ANTXRL: variants seen among roughly 807,000 people sequenced by gnomAD.
ANTXRL encodes anthrax toxin receptor-like.
In ANTXRL, 63 loss-of-function variants were observed where a neutral mutation model predicts 75.4. The ratio of observed to expected loss-of-function variants is 0.84; its 90% CI spans 0.68 to 1.03. ANTXRL has a LOEUF of 1.03. Among genes scored for constraint, ANTXRL ranks in the 50% least tolerant of loss-of-function variants. The pLI, the probability that ANTXRL is intolerant of heterozygous loss-of-function variation, is 0.00. For missense variants in ANTXRL, 797 were observed against 789.4 expected, an observed-to-expected ratio of 1.01 and a Z score of -0.12; for synonymous variants, 335 against 291.3, an observed-to-expected ratio of 1.15 and a Z score of -1.53.
At chr10:46,317,440 A>G (rs891866642) in intron 16 of ANTXRL, among the ~76,000 whole-genome samples, 10 of 152,290 alleles carry the variant, frequency 6.6e-5, no homozygotes, top group South Asian at 2.1e-4. Context: ...CTGGGTAACA[A>G]TTGGAGCTTA....
chr10:46,312,450 G>A (rs1227833647), intron 15 of ANTXRL, among the ~76,000 whole-genome samples: 10 of 147,122 alleles, frequency 6.8e-5, no homozygotes, highest in Non-Finnish European at 1.5e-4. Context: ...TGGTGTTGAG[G>A]GAGAGGGACC....
At chr10:46,287,716 A>G (rs1450188594) in intron 1 of ANTXRL, among the ~76,000 whole-genome samples, 1 of 152,054 alleles carries the variant, frequency 6.6e-6, no homozygotes, top group Non-Finnish European at 1.5e-5. Flanking sequence ...CATCTCCTGG[A>G]TGAGGAAAAA....
At position 46,313,253 on chromosome 10, in the gene ANTXRL, T is replaced by C. The variant is rs182399377; in HGVS notation, c.1347T>C (p.Phe449=). The change falls in exon 16 of 17, where the codon TTT becomes TTC. Residue 449 remains phenylalanine (F), a synonymous_variant. Coordinates refer to ENST00000620264, the MANE Select transcript of ANTXRL (RefSeq NM_001278688.3). ...CTTTTCAGGGCAATCTGGATACCTT[T>C]TGTGACCTCTCTCACGCAAGCTGCC... ...MRRIEGNLDT[F]CDLSHASCHQ... is the part of the protein sequence containing the mutation. 652 of 1,534,426 alleles carry C rather than the reference T, an allele frequency of 4.2e-4. 2 individuals carry two copies. The highest frequency in any genetic ancestry group is 1.0e-3 in the Middle Eastern group (6 of 5,978).
chr10:46,309,447 T>TG (rs1293033048), intron 13 of ANTXRL, among the ~76,000 whole-genome samples: 1 of 152,144 alleles, frequency 6.6e-6, no homozygotes, highest in African/African-American at 2.4e-5. Context: ...GCCCTGGACA[T>TG]GGGGTTGAGG....
rs1837833709 is a variant in ANTXRL, at chr10:46,302,804, T to C, written c.879T>C (p.Asn293=). 1 of 1,535,340 alleles carries C rather than the reference T, an allele frequency of 6.5e-7. No individual in the cohort carries two copies. The highest frequency in any genetic ancestry group is 2.4e-5 in the East Asian group (1 of 40,912). The change falls in exon 10 of 17, where the codon AAT becomes AAC. Residue 293 remains asparagine, a synonymous_variant. Transcript: ENST00000620264. The part of the protein sequence containing the change: ...RDEVICRFIF[N]ESTIIDEKPT... Reference sequence around the variant, plus strand: ...AAGTTATTTGCAGATTTATCTTCAATGAAAGCACTATCATTGGTAAGTTGT... The same window carrying C: ...AAGTTATTTGCAGATTTATCTTCAACGAAAGCACTATCATTGGTAAGTTGT...
intron 14 of ANTXRL, 134 bp downstream of exon 14, chr10:46,310,633 G>A: frequency 1.0e-6 from 1 of 963,136 alleles, no homozygotes; most frequent in Non-Finnish European, 1.6e-6. Context: ...GCAGAATGGA[G>A]CCTGAGAAGA....
chr10:46,316,544 A>G (rs1193051360), intron 16 of ANTXRL, among the ~76,000 whole-genome samples: 4 of 152,022 alleles, frequency 2.6e-5, no homozygotes, highest in Non-Finnish European at 4.4e-5. Context: ...TGGACACCGA[A>G]GCTCTGATGT....
chr10:46,326,074 T>C (rs1016730350), intron 16 of ANTXRL, among the ~76,000 whole-genome samples: 5 of 151,296 alleles, frequency 3.3e-5, no homozygotes, highest in Non-Finnish European at 7.4e-5. Flanking sequence ...AGAAGGTCTT[T>C]CTTTGTAAGG....
intron 16 of ANTXRL, among the ~76,000 whole-genome samples, chr10:46,314,513 G>C (rs1838612813): frequency 6.6e-6 from 1 of 152,034 alleles, no homozygotes; most frequent in Middle Eastern, 3.2e-3. Flanking sequence ...GGCAAGAGGT[G>C]GGAAGGTTGG....
chr10:46,314,146 T>C (rs1838591164), intron 16 of ANTXRL, among the ~76,000 whole-genome samples: 1 of 152,180 alleles, frequency 6.6e-6, no homozygotes, highest in Admixed American at 6.5e-5. Context: ...CAGGTGGCTG[T>C]GCATGGACAA....
At chr10:46,308,662 C>A in intron 12 of ANTXRL, 1 of 349,850 alleles carries the variant, frequency 2.9e-6, no homozygotes, top group East Asian at 7.9e-5. Context: ...ATTCCCTTTG[C>A]ACAGGTGTGG....
At chr10:46,308,360 C>G (rs1838217085) in intron 12 of ANTXRL, 1 of 416,962 alleles carries the variant, frequency 2.4e-6, no homozygotes, top group Non-Finnish European at 4.8e-6. Context: ...AGTGGTTCCT[C>G]TCCTTCAGCC....
intron 9 of ANTXRL, among the ~76,000 whole-genome samples, chr10:46,298,720 G>A (rs562473386): frequency 6.6e-6 from 1 of 151,428 alleles, no homozygotes; most frequent in African/African-American, 2.4e-5. Context: ...GTGTGTGTAT[G>A]GGATGTGTGG....
intron 9 of ANTXRL, 42 bp from the exon 10 acceptor site, chr10:46,302,680 C>G: frequency 7.1e-7 from 1 of 1,415,832 alleles, no homozygotes; most frequent in East Asian, 2.5e-5. Flanking sequence ...GAGGCAGCCC[C>G]CTACTCTTCC....
intron 16 of ANTXRL, among the ~76,000 whole-genome samples, chr10:46,320,655 C>T (rs974916506): frequency 6.6e-6 from 1 of 152,076 alleles, no homozygotes; most frequent in African/African-American, 2.4e-5. Flanking sequence ...TTACTTGAAC[C>T]CAGGAGGCAG....
intron 9 of ANTXRL, among the ~76,000 whole-genome samples, chr10:46,302,007 G>T (rs1257143653): frequency 6.6e-6 from 1 of 152,194 alleles, no homozygotes; most frequent in Non-Finnish European, 1.5e-5. Context: ...TACAGTGGTG[G>T]AAGGACACAC....
At chr10:46,302,191 C>T (rs1447061790) in intron 9 of ANTXRL, among the ~76,000 whole-genome samples, 5 of 152,170 alleles carry the variant, frequency 3.3e-5, no homozygotes, top group African/African-American at 1.2e-4. Flanking sequence ...GGCCCTGATG[C>T]TGTGGGTGTC....
chr10:46,328,589 A>G (rs1839338861), intron 16 of ANTXRL, among the ~76,000 whole-genome samples: 1 of 152,138 alleles, frequency 6.6e-6, no homozygotes, highest in South Asian at 2.1e-4. Flanking sequence ...GAGACTGGGA[A>G]AAGGTCATTT....
At chr10:46,327,580 C>G (rs1554966755) in intron 16 of ANTXRL, among the ~76,000 whole-genome samples, 1 of 152,044 alleles carries the variant, frequency 6.6e-6, no homozygotes, top group Non-Finnish European at 1.5e-5. Flanking sequence ...GGGCAGGTCA[C>G]AGGACGGGGC....
Sources: gnomAD v4.1 joint callset for allele counts (sites outside exome capture counted in the v4.1 genomes callset) on GRCh38, gnomAD v4.1.1 for gene constraint, MANE v1.5 for transcripts, NCBI Gene and HGNC (gene_info 2026-07-23, HGNC 2026-07-21) for gene names.